The following SGCD variants were observed in gnomAD, a reference collection of about 807,000 sequenced individuals.
SGCD encodes delta-sarcoglycan.
SGCD carries 18 observed loss-of-function variants against 36.6 expected under a neutral mutation model. That is an observed-to-expected ratio of 0.49 (90% CI 0.34 to 0.73). The LOEUF (loss-of-function observed/expected upper bound fraction) is 0.73, where lower values mean the gene tolerates loss of function less well. SGCD is among the 30% of genes least tolerant of loss of function. The pLI is 0.01. For synonymous variants in SGCD, 133 were observed against 130.6 expected, an observed-to-expected ratio of 1.02 and a Z score of -0.12; for missense variants, 387 against 346.7, an observed-to-expected ratio of 1.12 and a Z score of -0.92.
At chr5:156,704,576 G>A (rs912755636) in intron 7 of SGCD, among the ~76,000 whole-genome samples, 1 of 152,032 alleles carries the variant, frequency 6.6e-6, no homozygotes, top group African/African-American at 2.4e-5. Flanking sequence ...ATGCCTATTT[G>A]CCTAAAGATA....
chr5:156,702,257 C>T (rs1442988720), intron 7 of SGCD, among the ~76,000 whole-genome samples: 1 of 152,104 alleles, frequency 6.6e-6, no homozygotes, highest in African/African-American at 2.4e-5. Flanking sequence ...TTGCTTCATT[C>T]ATGCCACTGT....
intron 1 of SGCD, among the ~76,000 whole-genome samples, chr5:155,916,994 A>T (rs905534159): frequency 2.0e-5 from 3 of 152,160 alleles, no homozygotes; most frequent in African/African-American, 7.2e-5. Context: ...TTGCTCTCCT[A>T]TAATTTCTCC....
chr5:155,768,726 C>T, the SGCD span, among the ~76,000 whole-genome samples: 45 of 152,278 alleles, frequency 3.0e-4, no homozygotes, highest in African/African-American at 9.9e-4. Context: ...TTGTGTCTTT[C>T]ATCCAGAAGG....
chr5:156,523,634 T>A (rs768621429), intron 4 of SGCD, among the ~76,000 whole-genome samples: 117 of 152,242 alleles, frequency 7.7e-4, no homozygotes, highest in Non-Finnish European at 1.4e-3. Context: ...CACATTTTTT[T>A]AAAAATCTAC....
At chr5:156,627,319 T>G (rs1041840628) in intron 6 of SGCD, among the ~76,000 whole-genome samples, 17 of 152,198 alleles carry the variant, frequency 1.1e-4, no homozygotes, top group African/African-American at 4.1e-4. Flanking sequence ...AAATTGGGCC[T>G]TGGGGTAGGG....
At chr5:156,727,221 C>A (rs1755822706) in intron 7 of SGCD, among the ~76,000 whole-genome samples, 1 of 152,148 alleles carries the variant, frequency 6.6e-6, no homozygotes, top group Admixed American at 6.5e-5. Flanking sequence ...GAGGGAGATC[C>A]TGACTCAACT....
In SGCD at chr5:156,632,343, A is replaced by G. The variant is rs976229100; in HGVS notation, c.503-15121A>G. 3.3e-5 allele frequency among the ~76,000 whole-genome samples: 5 copies of G among 152,234 alleles called. No individual in the cohort carries two copies. In the South Asian group the frequency reaches 8.3e-4, roughly 25 times the overall value. On this transcript the variant is annotated intron_variant, in intron 6 of 8. Transcript: ENST00000337851. The stretch of plus-strand genomic sequence containing the variant: ...AGCCCCAGTAGGTTTCTGCAAAGCA[A>G]TAAGTGTTCTAGTATCCGAAGGAAA...
At chr5:156,442,231 A>G (rs1055594934) in intron 3 of SGCD, among the ~76,000 whole-genome samples, 5 of 152,198 alleles carry the variant, frequency 3.3e-5, no homozygotes, top group African/African-American at 7.2e-5. Context: ...AATGTATGCA[A>G]ATCAGCTGAG....
At chr5:156,517,650 A>G (rs1757234646) in intron 4 of SGCD, among the ~76,000 whole-genome samples, 3 of 152,210 alleles carry the variant, frequency 2.0e-5, no homozygotes, top group South Asian at 2.1e-4. Flanking sequence ...GACCCCCCTC[A>G]GCAGAAACCC....
chr5:156,402,811 G>T (rs895528628), intron 3 of SGCD, among the ~76,000 whole-genome samples: 1 of 152,202 alleles, frequency 6.6e-6, no homozygotes, highest in African/African-American at 2.4e-5. Context: ...TGACTGAAAT[G>T]TGAGCACTAG....
At chr5:156,210,632 A>T (rs1323874907) in intron 3 of SGCD, among the ~76,000 whole-genome samples, 3 of 152,066 alleles carry the variant, frequency 2.0e-5, no homozygotes. Context: ...TAAAAATCAA[A>T]CAGAAGTCCT....
At chr5:156,521,303 TG>T (rs1757393906) in intron 4 of SGCD, among the ~76,000 whole-genome samples, 1 of 152,118 alleles carries the variant, frequency 6.6e-6, no homozygotes, top group South Asian at 2.1e-4. Context: ...GCACAGATTT[TG>T]TAATGAAAAT....
chr5:156,638,966 C>T (rs1300898151), intron 6 of SGCD, among the ~76,000 whole-genome samples: 1 of 151,854 alleles, frequency 6.6e-6, no homozygotes, highest in Non-Finnish European at 1.5e-5. Flanking sequence ...CATTGTTAAC[C>T]TTCAAATTAT....
intron 3 of SGCD, among the ~76,000 whole-genome samples, chr5:156,406,722 A>T (rs1772427615): frequency 6.7e-6 from 1 of 149,284 alleles, no homozygotes; most frequent in Non-Finnish European, 1.5e-5. Context: ...GGATGAAGCT[A>T]AGGTTTAAGG....
intron 7 of SGCD, among the ~76,000 whole-genome samples, chr5:156,754,905 G>T (rs1322489534): frequency 6.6e-6 from 1 of 152,208 alleles, no homozygotes; most frequent in East Asian, 1.9e-4. Context: ...TAAGGAAATT[G>T]TAGAACATAT....
intron 3 of SGCD, among the ~76,000 whole-genome samples, chr5:156,316,452 AAC>A (rs1767519727): frequency 6.6e-6 from 1 of 151,958 alleles, no homozygotes; most frequent in African/African-American, 2.4e-5. Context: ...GGAATAGGAA[AAC>A]ACAAAAATAA....
At chr5:155,888,630 G>C (rs1302320675) in intron 1 of SGCD, among the ~76,000 whole-genome samples, 1 of 152,110 alleles carries the variant, frequency 6.6e-6, no homozygotes, top group African/African-American at 2.4e-5. Context: ...AACTGGGGGA[G>C]GGGGAGGACT....
At chr5:156,207,235 G>A (rs1052636312) in intron 3 of SGCD, among the ~76,000 whole-genome samples, 31 of 152,068 alleles carry the variant, frequency 2.0e-4, no homozygotes, top group African/African-American at 7.2e-4. Context: ...CAAGATACTT[G>A]TGACTCGGTC....
intron 7 of SGCD, among the ~76,000 whole-genome samples, chr5:156,718,643 T>C (rs157678): frequency 1.3e-5 from 2 of 151,598 alleles, no homozygotes; most frequent in African/African-American, 4.9e-5. Context: ...AATTATTTTA[T>C]ATAGGGATAA....
Sources: allele counts gnomAD v4.1 joint callset (sites outside exome capture counted in the v4.1 genomes callset), GRCh38; gene constraint gnomAD v4.1.1; transcripts MANE v1.5; gene names NCBI Gene and HGNC (gene_info 2026-07-23, HGNC 2026-07-21).